Variants in FMNL2 observed in about 807,000 individuals in gnomAD.
The protein encoded by FMNL2 is formin-like protein 2.
In FMNL2, 51 loss-of-function variants were observed where a neutral mutation model predicts 130.2. The ratio of observed to expected loss-of-function variants is 0.39; its 90% CI spans 0.31 to 0.49. The LOEUF (loss-of-function observed/expected upper bound fraction) is 0.49, where lower values mean the gene tolerates loss of function less well. Among genes scored for constraint, FMNL2 ranks in the 20% least tolerant of loss-of-function variants. The pLI is 0.85. For synonymous variants in FMNL2, 465 were observed against 467.1 expected (o/e 1.00, Z 0.06); for missense variants, 977 against 1,316.2 (o/e 0.74, Z 3.99).
chr2:152,364,475 A>G (rs1683398816), intron 1 of FMNL2, among the ~76,000 whole-genome samples: 1 of 152,114 alleles, frequency 6.6e-6, no homozygotes, highest in Admixed American at 6.5e-5. Context: ...TAGCCAGAGA[A>G]CCAGGCTTTT....
At chr2:152,468,090 G>A (rs994908034) in intron 1 of FMNL2, among the ~76,000 whole-genome samples, 7 of 152,222 alleles carry the variant, frequency 4.6e-5, no homozygotes, top group African/African-American at 1.7e-4. Context: ...AATTGGTTTA[G>A]CCCCTGAATG....
At chr2:152,415,708 T>G (rs1363079596) in intron 1 of FMNL2, among the ~76,000 whole-genome samples, 1 of 152,198 alleles carries the variant, frequency 6.6e-6, no homozygotes, top group Non-Finnish European at 1.5e-5. Context: ...AATAAGCCAG[T>G]TGTGGGCTCC....
At chr2:152,460,247 T>C (rs565949469) in intron 1 of FMNL2, among the ~76,000 whole-genome samples, 2 of 152,310 alleles carry the variant, frequency 1.3e-5, no homozygotes, top group East Asian at 1.9e-4. Context: ...GCATGTTCTA[T>C]CCATGTAGAA....
At chr2:152,596,427 T>A (rs1697778395) in intron 9 of FMNL2, among the ~76,000 whole-genome samples, 1 of 152,236 alleles carries the variant, frequency 6.6e-6, no homozygotes, top group Admixed American at 6.5e-5. Context: ...ATTTTACTAT[T>A]AGTTATCCAT....
In FMNL2 at chr2:152,583,546, T is replaced by C. The variant is rs72869548; in HGVS notation, c.876+2497T>C. 3.5e-3 allele frequency among the ~76,000 whole-genome samples: 538 copies of C among 152,292 alleles called. 2 individuals are homozygous for C. Among genetic ancestry groups the C allele is most frequent in the Middle Eastern group, 0.01 (3 of 294 alleles). Reference sequence around the variant, plus strand: ...CCAAGGGATGGAGTATTCACGGAGATTCCTGGAAGAAGCTGGAGATTTCTC... The same window carrying C: ...CCAAGGGATGGAGTATTCACGGAGACTCCTGGAAGAAGCTGGAGATTTCTC... On this transcript the variant is annotated intron_variant, in intron 9 of 25. Transcript: ENST00000288670.
At chr2:152,357,003 A>G (rs1375364202) in intron 1 of FMNL2, among the ~76,000 whole-genome samples, 1 of 148,780 alleles carries the variant, frequency 6.7e-6, no homozygotes, top group African/African-American at 2.4e-5. Flanking sequence ...TAAATATTAA[A>G]TAAGTTTAAT....
intron 1 of FMNL2, among the ~76,000 whole-genome samples, chr2:152,396,272 G>A (rs1162511153): frequency 1.3e-5 from 2 of 152,126 alleles, no homozygotes; most frequent in East Asian, 1.9e-4. Flanking sequence ...TTAGTTTTCC[G>A]TTTTCTGCCT....
chr2:152,480,903 G>T (rs1690482092), intron 1 of FMNL2, among the ~76,000 whole-genome samples: 1 of 152,090 alleles, frequency 6.6e-6, no homozygotes, highest in Non-Finnish European at 1.5e-5. Context: ...CCTCTTCAAG[G>T]ACTCATTTTT....
At chr2:152,547,404 T>C (rs868389743) in intron 3 of FMNL2, among the ~76,000 whole-genome samples, 18 of 152,278 alleles carry the variant, frequency 1.2e-4, no homozygotes, top group Middle Eastern at 6.8e-3. Context: ...TTCCATCACA[T>C]TGGGGACATT....
chr2:152,605,704 G>A (rs1033015316), intron 9 of FMNL2, among the ~76,000 whole-genome samples: 8 of 152,118 alleles, frequency 5.3e-5, no homozygotes, highest in African/African-American at 1.9e-4. Flanking sequence ...GTTAAGTCAG[G>A]TATAAATAAA....
At chr2:152,503,361 G>A (rs1443088578) in intron 1 of FMNL2, among the ~76,000 whole-genome samples, 1 of 152,108 alleles carries the variant, frequency 6.6e-6, no homozygotes, top group Non-Finnish European at 1.5e-5. Flanking sequence ...ACCTATTATA[G>A]GATTCTTGTT....
Position 152,335,568 on chromosome 2 carries a change from G to T in FMNL2, c.-36G>T, listed in dbSNP as rs764592669. The T allele has an allele frequency of 7.8e-6, 12 of 1,542,352 alleles. No homozygotes were observed. The highest frequency in any genetic ancestry group is 1.1e-5 in the Non-Finnish European group (12 of 1,135,894). ...CTGATTTCCGACGCGCACGCTAGGG[G>T]CCCGGAGCAGCCCCCGGCCCCGGCG... On this transcript the variant is annotated 5_prime_UTR_variant, in exon 1 of 26. Coordinates refer to ENST00000288670, the MANE Select transcript of FMNL2 (RefSeq NM_052905.4).
In FMNL2 at chr2:152,600,317, G is replaced by T. The variant is rs142116530; in HGVS notation, c.877-7022G>T. On this transcript the variant is annotated intron_variant, in intron 9 of 25. Transcript: ENST00000288670. The stretch of plus-strand genomic sequence containing the variant: ...AGGCGCCAGGCAACAAGGCAAGAAG[G>T]AAACACTTAAGCAAAGGGCCTTTAA... Among the ~76,000 whole-genome samples the T allele has an allele frequency of 1.2e-4, 18 of 152,300 alleles. No homozygotes were observed. In the East Asian group the frequency reaches 2.9e-3, roughly 25 times the overall value.
chr2:152,498,026 T>C (rs1012535237), intron 1 of FMNL2, among the ~76,000 whole-genome samples: 1 of 152,230 alleles, frequency 6.6e-6, no homozygotes, highest in Non-Finnish European at 1.5e-5. Context: ...TAATATTTTC[T>C]CTAGCCCTAG....
intron 1 of FMNL2, among the ~76,000 whole-genome samples, chr2:152,459,335 G>A (rs1480166017): frequency 6.6e-6 from 1 of 152,188 alleles, no homozygotes; most frequent in Non-Finnish European, 1.5e-5. Flanking sequence ...AATATGCCAT[G>A]ATTTTGATTT....
intron 1 of FMNL2, among the ~76,000 whole-genome samples, chr2:152,508,255 T>C (rs1409691928): frequency 1.3e-5 from 2 of 151,164 alleles, no homozygotes; most frequent in Non-Finnish European, 2.9e-5. Context: ...GAGGATCAGA[T>C]TTTAAAGGCT....
intron 1 of FMNL2, among the ~76,000 whole-genome samples, chr2:152,400,896 T>G (rs1410730282): frequency 1.3e-5 from 2 of 152,222 alleles, no homozygotes; most frequent in Admixed American, 1.3e-4. Flanking sequence ...GTTTTCTTTC[T>G]TTTTTCTTCC....
intron 6 of FMNL2, among the ~76,000 whole-genome samples, chr2:152,567,161 T>A (rs1695892297): frequency 6.6e-6 from 1 of 152,190 alleles, no homozygotes; most frequent in African/African-American, 2.4e-5. Flanking sequence ...ACATTTCACA[T>A]GGGGCTATGT....
At chr2:152,479,584 C>T (rs774309292) in intron 1 of FMNL2, among the ~76,000 whole-genome samples, 2 of 151,996 alleles carry the variant, frequency 1.3e-5, no homozygotes, top group Admixed American at 6.5e-5. Context: ...ATTAGCACCT[C>T]GACTTTGATG....
Sources: allele counts gnomAD v4.1 joint callset (sites outside exome capture counted in the v4.1 genomes callset), GRCh38; gene constraint gnomAD v4.1.1; transcripts MANE v1.5; gene names NCBI Gene and HGNC (gene_info 2026-07-23, HGNC 2026-07-21).